The following CTNNA2 variants were observed in gnomAD, a reference collection of about 807,000 sequenced individuals.
The protein encoded by CTNNA2 is catenin alpha-2.
Under a neutral mutation model 101.0 loss-of-function variants are expected in CTNNA2, and 42 were observed. That is an observed-to-expected ratio of 0.42 (90% CI 0.32 to 0.54). The LOEUF is 0.54. Ranked by LOEUF, CTNNA2 falls within the 20% of genes least tolerant of loss-of-function variation. The pLI is 0.14. For synonymous variants in CTNNA2, 450 were observed against 456.4 expected (o/e 0.99, Z 0.18); for missense variants, 871 against 1,223.1 (o/e 0.71, Z 4.29).
chr2:80,366,714 C>T (rs540571674), intron 7 of CTNNA2, among the ~76,000 whole-genome samples: 1 of 152,276 alleles, frequency 6.6e-6, no homozygotes, highest in South Asian at 2.1e-4. Context: ...TCAAATCCCT[C>T]AGGCATATCG....
chr2:79,223,137 G>A (rs1251050906), intron 2 of CTNNA2, among the ~76,000 whole-genome samples: 1 of 152,106 alleles, frequency 6.6e-6, no homozygotes, highest in Non-Finnish European at 1.5e-5. Flanking sequence ...TCCAGCCTGG[G>A]CAACCGAGTG....
rs77887766 is a variant in CTNNA2, at chr2:79,391,972, G to T, written c.-135+17959G>T. On this transcript the variant is annotated intron_variant, in intron 4 of 21. Transcript: ENST00000466387. The stretch of plus-strand genomic sequence containing the variant: ...CATTCCTCTGTGCGCTCACTTCCCT[G>T]GTGTCTCTGTGTGTGTCCAGATTTC... Among the ~76,000 whole-genome samples the T allele has an allele frequency of 9.2e-3, 1,402 of 152,128 alleles. 22 individuals carry two copies. The highest frequency in any genetic ancestry group is 0.032 in the African/African-American group (1,330 of 41,482).
chr2:79,843,180 A>G (rs1679959333), intron 3 of CTNNA2, among the ~76,000 whole-genome samples: 1 of 152,246 alleles, frequency 6.6e-6, no homozygotes, highest in African/African-American at 2.4e-5. Context: ...TAACTGGAGT[A>G]TTTAAGAAGT....
At chr2:79,360,472 A>T (rs936950302) in intron 3 of CTNNA2, among the ~76,000 whole-genome samples, 2 of 152,208 alleles carry the variant, frequency 1.3e-5, no homozygotes. Context: ...CAAAGAAATG[A>T]GATGAGATTA....
intron 2 of CTNNA2, among the ~76,000 whole-genome samples, chr2:79,655,592 G>A (rs1375824101): frequency 6.6e-6 from 1 of 152,094 alleles, no homozygotes; most frequent in Non-Finnish European, 1.5e-5. Flanking sequence ...ACTTTGGGAG[G>A]CCAAGGCAAG....
chr2:80,097,852 T>G (rs918074611), intron 7 of CTNNA2, among the ~76,000 whole-genome samples: 3 of 152,242 alleles, frequency 2.0e-5, no homozygotes, highest in Non-Finnish European at 4.4e-5. Context: ...GGTTTTCAGC[T>G]CCATCAGGTC....
intron 7 of CTNNA2, among the ~76,000 whole-genome samples, chr2:80,173,709 C>T (rs1181438296): frequency 1.3e-5 from 2 of 152,076 alleles, no homozygotes; most frequent in African/African-American, 2.4e-5. Flanking sequence ...AAGCAAGGTG[C>T]CAGGAACCTG....
chr2:79,545,049 C>A (rs1313567533), intron 1 of CTNNA2, among the ~76,000 whole-genome samples: 4 of 152,124 alleles, frequency 2.6e-5, no homozygotes, highest in African/African-American at 9.7e-5. Flanking sequence ...TTCCAAATAT[C>A]TACACAATAT....
intron 3 of CTNNA2, among the ~76,000 whole-genome samples, chr2:79,797,995 T>C (rs1675854600): frequency 6.6e-6 from 1 of 152,144 alleles, no homozygotes; most frequent in Non-Finnish European, 1.5e-5. Context: ...TTTTCTCATA[T>C]GTATATTCCC....
intron 2 of CTNNA2, among the ~76,000 whole-genome samples, chr2:79,244,937 A>G (rs192586295): frequency 6.6e-4 from 100 of 151,790 alleles, no homozygotes; most frequent in Non-Finnish European, 1.1e-3. Flanking sequence ...TTTACTAAAA[A>G]TACAAAAATT....
chr2:80,209,567 A>G (rs1450895088), intron 7 of CTNNA2, among the ~76,000 whole-genome samples: 1 of 151,884 alleles, frequency 6.6e-6, no homozygotes, highest in East Asian at 1.9e-4. Context: ...TCTTATGAAC[A>G]TTTTTGTCAT....
chr2:80,055,788 G>T (rs1697179150), intron 7 of CTNNA2, among the ~76,000 whole-genome samples: 1 of 152,112 alleles, frequency 6.6e-6, no homozygotes, highest in Non-Finnish European at 1.5e-5. Context: ...GCAAAAGCTT[G>T]AGATCATATA....
chr2:79,956,315 T>TC (rs1445469046), intron 7 of CTNNA2, among the ~76,000 whole-genome samples: 1 of 152,160 alleles, frequency 6.6e-6, no homozygotes, highest in Non-Finnish European at 1.5e-5. Flanking sequence ...CAAAATACTT[T>TC]CCTTTTAACA....
chr2:80,526,122 A>G (rs1480126076), intron 9 of CTNNA2, among the ~76,000 whole-genome samples: 1 of 152,202 alleles, frequency 6.6e-6, no homozygotes, highest in Admixed American at 6.5e-5. Flanking sequence ...TTAGGCCACT[A>G]TAGTTCAAAC....
intron 8 of CTNNA2, among the ~76,000 whole-genome samples, chr2:80,404,730 G>A (rs574610463): frequency 3.2e-4 from 49 of 152,284 alleles, no homozygotes; most frequent in African/African-American, 1.1e-3. Context: ...TCTTTCTTCA[G>A]GAATATTAAG....
chr2:80,490,813 A>G (rs1306470586), intron 9 of CTNNA2, among the ~76,000 whole-genome samples: 1 of 152,192 alleles, frequency 6.6e-6, no homozygotes, highest in Non-Finnish European at 1.5e-5. Context: ...AGTGAGCACT[A>G]CATCTTTGTG....
chr2:79,874,332 A>G lies in CTNNA2; in HGVS notation c.842A>G (p.Asn281Ser), dbSNP rs1230761553. ...TGIGELAAAL[N>S]EFDNKIILDP... ...ATCGGCGAGCTGGCTGCGGCTCTTA[A>G]TGAGTTTGACGTAAGCATCCTGGTG... Residue 281 changes from asparagine to serine, a missense_variant, in exon 6 of 19, where the codon AAT becomes AGT. Asn to Ser is a conservative substitution (Grantham distance 46). This residue lies in a region of CTNNA2 where 647 missense variants were observed against 831.5 expected (regional missense o/e 0.78). Transcript: ENST00000402739. The G allele has an allele frequency of 6.2e-7, 1 of 1,613,802 alleles. No homozygotes were observed. Among genetic ancestry groups the G allele is most frequent in the Non-Finnish European group, 8.5e-7 (1 of 1,180,002 alleles).
chr2:79,693,319 T>G (rs911465838), intron 2 of CTNNA2, among the ~76,000 whole-genome samples: 1 of 152,008 alleles, frequency 6.6e-6, no homozygotes, highest in Non-Finnish European at 1.5e-5. Flanking sequence ...TATAACATTT[T>G]ATTATGAAAA....
intron 4 of CTNNA2, among the ~76,000 whole-genome samples, chr2:79,462,203 G>A (rs1670886129): frequency 1.3e-5 from 2 of 152,160 alleles, no homozygotes; most frequent in Non-Finnish European, 2.9e-5. Flanking sequence ...TCTGTATTCT[G>A]TCAACTTGTT....
Sources: gnomAD v4.1 joint callset for allele counts (sites outside exome capture counted in the v4.1 genomes callset) on GRCh38, gnomAD v4.1.1 for gene constraint, gnomAD v4.1.1 regional missense constraint, MANE v1.5 for transcripts, NCBI Gene and HGNC (gene_info 2026-07-23, HGNC 2026-07-21) for gene names.